TAF13: variants seen among roughly 807,000 people sequenced by gnomAD.
The protein encoded by TAF13 is transcription initiation factor TFIID subunit 13.
A neutral mutation model predicts 18.7 loss-of-function variants in TAF13; 9 were observed. The ratio of observed to expected loss-of-function variants is 0.48; its 90% CI spans 0.29 to 0.84. The LOEUF (loss-of-function observed/expected upper bound fraction) is 0.84, where lower values mean the gene tolerates loss of function less well. Among genes scored for constraint, TAF13 ranks in the 40% least tolerant of loss-of-function variants. The pLI, the probability that TAF13 is intolerant of heterozygous loss-of-function variation, is 0.08. For missense variants in TAF13, 105 were observed against 146.5 expected (o/e 0.72, Z 1.46); for synonymous variants, 49 against 44.1 (o/e 1.11, Z -0.44).
At chr1:109,073,329 GGAGATC>G (rs1449790648) in intron 2 of TAF13, among the ~76,000 whole-genome samples, 2 of 151,920 alleles carry the variant, frequency 1.3e-5, no homozygotes, top group Non-Finnish European at 2.9e-5. Context: ...CACAAGGTCA[GGAGATC>G]GAGATCATCC....
At chr1:109,064,863 GGATT>G (rs1396749579) in intron 3 of TAF13, among the ~76,000 whole-genome samples, 170 bp from the exon 4 acceptor site, 3 of 151,246 alleles carry the variant, frequency 2.0e-5, no homozygotes, top group Non-Finnish European at 4.4e-5. Flanking sequence ...ATTTTCTACT[GGATT>G]ATTAGCAATG....
intron 2 of TAF13, among the ~76,000 whole-genome samples, chr1:109,072,233 A>T (rs1664090863): frequency 6.6e-6 from 1 of 150,616 alleles, no homozygotes; most frequent in Non-Finnish European, 1.5e-5. Context: ...GTGCGGCCTC[A>T]TCTCTCAATA....
intron 2 of TAF13, among the ~76,000 whole-genome samples, chr1:109,072,382 C>CGTCT (rs1664092588): frequency 6.6e-6 from 1 of 151,606 alleles, no homozygotes; most frequent in Non-Finnish European, 1.5e-5. Flanking sequence ...GGGTCAAAAC[C>CGTCT]GTCTACTGAG....
chr1:109,069,159 A>G (rs1021779933), intron 2 of TAF13, among the ~76,000 whole-genome samples: 6 of 152,048 alleles, frequency 3.9e-5, no homozygotes, highest in Non-Finnish European at 8.8e-5. Context: ...CAAATGCTGG[A>G]AGTGTTCTGT....
At chr1:109,068,692 C>T (rs1161869116) in intron 2 of TAF13, among the ~76,000 whole-genome samples, 1 of 152,038 alleles carries the variant, frequency 6.6e-6, no homozygotes, top group Non-Finnish European at 1.5e-5. Context: ...AACTCCCAGT[C>T]CAGAGACAAG....
chr1:109,070,030 T>C (rs1664022058), intron 2 of TAF13, among the ~76,000 whole-genome samples: 2 of 152,184 alleles, frequency 1.3e-5, no homozygotes, highest in Non-Finnish European at 1.5e-5. Flanking sequence ...TATACAACCA[T>C]AGGGAGTCAT....
At chr1:109,071,938 G>A (rs1439414256) in intron 2 of TAF13, among the ~76,000 whole-genome samples, 2 of 144,884 alleles carry the variant, frequency 1.4e-5, no homozygotes, top group Non-Finnish European at 3.0e-5. Context: ...ACAACAGTGA[G>A]ACTCTGTCTC....
chr1:109,071,401 A>T (rs1571298323), intron 2 of TAF13, among the ~76,000 whole-genome samples: 1 of 151,234 alleles, frequency 6.6e-6, no homozygotes, highest in South Asian at 2.1e-4. Context: ...AGATCACGCC[A>T]CTGCACTCCA....
chr1:109,071,204 G>A (rs1664044448), intron 2 of TAF13, among the ~76,000 whole-genome samples: 1 of 152,148 alleles, frequency 6.6e-6, no homozygotes, highest in South Asian at 2.1e-4. Context: ...ACTTTGGGAG[G>A]CCGAGTGGGG....
intron 3 of TAF13, among the ~76,000 whole-genome samples, chr1:109,065,104 C>A (rs2102104713): frequency 6.6e-6 from 1 of 152,286 alleles, no homozygotes. Context: ...ATAACTCTAT[C>A]TCATCCTGTC....
chr1:109,075,977 G>T lies in TAF13; in HGVS notation c.-30C>A. 2 of 1,614,156 alleles carry T rather than the reference G, an allele frequency of 1.2e-6. No homozygotes were observed. Among genetic ancestry groups the T allele is most frequent in the Non-Finnish European group, 1.7e-6 (2 of 1,180,034 alleles). On this transcript the variant is annotated 5_prime_UTR_variant, in exon 1 of 4. Coordinates refer to ENST00000338366, the MANE Select transcript of TAF13 (RefSeq NM_005645.4). The stretch of plus-strand genomic sequence containing the variant: ...CTAGCACGCCAACTCACAGCGTCCT[G>T]CCGGCTGGCTCCCAGCTGGTTACAC...
chr1:109,064,178 A>AAAAAAAAAAAC lies in TAF13; in HGVS notation c.*344_*345insGTTTTTTTTTT. ...TCTCAAAAAAAAAAAAAAAAAAAAA[A>AAAAAAAAAAAC]AAAGCTACAGTATAGCTTACAAGGG... On this transcript the variant is annotated 3_prime_UTR_variant, in exon 4 of 4. Coordinates refer to ENST00000338366, the MANE Select transcript of TAF13 (RefSeq NM_005645.4). 1.3e-5 allele frequency: 2 copies of AAAAAAAAAAAC among 153,376 alleles called. No homozygotes were observed. The highest frequency in any genetic ancestry group is 6.6e-5 in the Admixed American group (1 of 15,102). 9.5% of individuals were successfully genotyped at this position (153,376 alleles called of 1,614,324 possible). A position where few individuals can be genotyped will look rare whatever the true frequency, so the allele number is the denominator to read the frequency against.
Position 109,067,471 on chromosome 1 carries a change from G to A in TAF13, c.107-1239C>T, listed in dbSNP as rs141825525. ...AAAAAAACACAAAAGTCAGCTGGGG[G>A]TGTTGGCACATGCCTATAATCCCAG... On this transcript the variant is annotated intron_variant, in intron 2 of 3. Transcript: ENST00000338366. Among the ~76,000 whole-genome samples, 493 of 152,006 alleles carry A rather than the reference G, an allele frequency of 3.2e-3. 6 individuals carry two copies. The highest frequency in any genetic ancestry group is 0.011 in the African/African-American group (467 of 41,488).
intron 3 of TAF13, among the ~76,000 whole-genome samples, chr1:109,065,648 C>T (rs1284245880): frequency 2.0e-5 from 3 of 151,724 alleles, no homozygotes; most frequent in Admixed American, 6.6e-5. Context: ...AGAGGCTGGG[C>T]GCGTTGGCTC....
At chr1:109,072,422 A>G (rs1281307731) in intron 2 of TAF13, among the ~76,000 whole-genome samples, 1 of 151,558 alleles carries the variant, frequency 6.6e-6, no homozygotes, top group Non-Finnish European at 1.5e-5. Flanking sequence ...ATACATTATA[A>G]TCTCCATGTT....
At chr1:109,073,484 G>C (rs1199838646) in intron 2 of TAF13, among the ~76,000 whole-genome samples, 1 of 152,140 alleles carries the variant, frequency 6.6e-6, no homozygotes, top group Non-Finnish European at 1.5e-5. Flanking sequence ...ATCTGGGATC[G>C]TTGCAGCCTC....
chr1:109,075,081 T>C lies in TAF13; in HGVS notation c.28-16A>G, dbSNP rs1440912269. 6.3e-7 allele frequency: 1 copy of C among 1,578,706 alleles called. No homozygotes were observed. The highest frequency in any genetic ancestry group is 1.2e-5 in the South Asian group (1 of 85,384). ...CTTCCTCAAACTAGAAGTTAAAATGTATATATAGAAATGTCAAATAATTGC... is the reference window on the plus strand; with the variant it reads ...CTTCCTCAAACTAGAAGTTAAAATGCATATATAGAAATGTCAAATAATTGC... On this transcript the variant is annotated splice_polypyrimidine_tract_variant and intron_variant, in intron 1 of 3. Coordinates refer to ENST00000338366, the MANE Select transcript of TAF13 (RefSeq NM_005645.4).
At chr1:109,072,620 T>C (rs573670006) in intron 2 of TAF13, among the ~76,000 whole-genome samples, 2 of 151,932 alleles carry the variant, frequency 1.3e-5, no homozygotes, top group South Asian at 4.2e-4. Context: ...AATTTTTGTA[T>C]TTTTTGTAGA....
At chr1:109,071,779 C>G (rs868273574) in intron 2 of TAF13, among the ~76,000 whole-genome samples, 14 of 151,500 alleles carry the variant, frequency 9.2e-5, no homozygotes, top group Middle Eastern at 3.4e-3. Flanking sequence ...TGATGAAACC[C>G]TGTCTCTACT....
Sources: gnomAD v4.1 joint callset for allele counts (sites outside exome capture counted in the v4.1 genomes callset) on GRCh38, gnomAD v4.1.1 for gene constraint, MANE v1.5 for transcripts, NCBI Gene and HGNC (gene_info 2026-07-23, HGNC 2026-07-21) for gene names.